Variants in ADGRG6 observed in about 807,000 individuals in gnomAD.
ADGRG6 encodes the protein adhesion G protein-coupled receptor G6.
A neutral mutation model predicts 142.4 loss-of-function variants in ADGRG6; 84 were observed. The ratio of observed to expected loss-of-function variants is 0.59; its 90% CI spans 0.49 to 0.71. ADGRG6 has a LOEUF of 0.71. Ranked by LOEUF, ADGRG6 falls within the 30% of genes least tolerant of loss-of-function variation. The pLI, the probability that ADGRG6 is intolerant of heterozygous loss-of-function variation, is 0.00. For synonymous variants in ADGRG6, 521 were observed against 520.5 expected, an observed-to-expected ratio of 1.00 and a Z score of -0.01; for missense variants, 1,367 against 1,466.6, an observed-to-expected ratio of 0.93 and a Z score of 1.11.
At chr6:142,393,379 T>G (rs1287276271) in intron 8 of ADGRG6, among the ~76,000 whole-genome samples, 1 of 152,070 alleles carries the variant, frequency 6.6e-6, no homozygotes, top group Admixed American at 6.6e-5. Context: ...CAGATCTAAT[T>G]TCGTACATCG....
chr6:142,432,413 G>A (rs1404136530), intron 22 of ADGRG6, among the ~76,000 whole-genome samples: 1 of 151,948 alleles, frequency 6.6e-6, no homozygotes, highest in Non-Finnish European at 1.5e-5. Flanking sequence ...CAAGATTATA[G>A]GATTCACCAT....
chr6:142,334,749 A>C (rs1779230299), intron 2 of ADGRG6, among the ~76,000 whole-genome samples: 2 of 152,236 alleles, frequency 1.3e-5, no homozygotes, highest in South Asian at 4.2e-4. Flanking sequence ...TTTTGGTTAC[A>C]CCTTTTTTCT....
intron 5 of ADGRG6, among the ~76,000 whole-genome samples, chr6:142,382,520 T>A (rs1164497325): frequency 6.6e-6 from 1 of 152,230 alleles, no homozygotes; most frequent in African/African-American, 2.4e-5. Flanking sequence ...AATGTAACTG[T>A]GTTAATTATT....
chr6:142,365,021 T>G (rs572165270), intron 2 of ADGRG6, among the ~76,000 whole-genome samples: 1 of 152,352 alleles, frequency 6.6e-6, no homozygotes, highest in Non-Finnish European at 1.5e-5. Flanking sequence ...TGATGCTGCC[T>G]GTCTGCATGT....
intron 2 of ADGRG6, among the ~76,000 whole-genome samples, chr6:142,312,377 C>A (rs1007555504): frequency 1.3e-5 from 2 of 151,916 alleles, no homozygotes; most frequent in African/African-American, 4.8e-5. Context: ...AGTTTTGTGA[C>A]CTTCTGGATT....
intron 24 of ADGRG6, chr6:142,440,881 C>T (rs1777725476): frequency 8.4e-7 from 1 of 1,184,676 alleles, no homozygotes; most frequent in Non-Finnish European, 1.2e-6. Flanking sequence ...TGGAATTGAT[C>T]TAGATATTCA....
chr6:142,418,296 A>T (rs914787165), intron 21 of ADGRG6, among the ~76,000 whole-genome samples: 2 of 115,822 alleles, frequency 1.7e-5, no homozygotes, highest in Non-Finnish European at 3.4e-5. Context: ...GACTCCATCT[A>T]AAAAAAAAAA....
chr6:142,383,640 ATTTCAAAGTGGTTTCC>A, intron 5 of ADGRG6, 104 bp from the exon 6 acceptor site: 1 of 620,706 alleles, frequency 1.6e-6, no homozygotes, highest in Non-Finnish European at 2.9e-6. Flanking sequence ...AGTCTTTTGT[ATTTCAAAGTGGTTTCC>A]ATTCTTCCCC....
At position 142,335,748 on chromosome 6, in the gene ADGRG6, C is replaced by A. The variant is rs117603178; in HGVS notation, c.103+26104C>A. ...GATCTCTGAGCTGAACTATAGACAG[C>A]AGCAAAATTTAGGGAAAAAGGAGAA... On this transcript the variant is annotated intron_variant, in intron 2 of 24. Coordinates refer to ENST00000367609, the MANE Select transcript of ADGRG6 (RefSeq NM_198569.3). Among the ~76,000 whole-genome samples, 1,316 of 151,942 alleles carry A rather than the reference C, an allele frequency of 8.7e-3. 22 individuals are homozygous for A. Among genetic ancestry groups the A allele is most frequent in the Non-Finnish European group, 0.013 (904 of 67,968 alleles).
At chr6:142,364,850 G>A (rs1378323414) in intron 2 of ADGRG6, among the ~76,000 whole-genome samples, 1 of 152,130 alleles carries the variant, frequency 6.6e-6, no homozygotes. Flanking sequence ...GGGTGACAGA[G>A]AGATACCCTG....
chr6:142,392,649 G>T (rs1227849647), intron 7 of ADGRG6, among the ~76,000 whole-genome samples: 1 of 151,882 alleles, frequency 6.6e-6, no homozygotes, highest in Non-Finnish European at 1.5e-5. Context: ...GTGATCTTGG[G>T]CAAACCATTT....
At chr6:142,367,277 C>T (rs1390003938) in intron 2 of ADGRG6, among the ~76,000 whole-genome samples, 1 of 152,104 alleles carries the variant, frequency 6.6e-6, no homozygotes, top group Non-Finnish European at 1.5e-5. Flanking sequence ...ACGTGTGTGG[C>T]CCCTGCTCAT....
intron 2 of ADGRG6, among the ~76,000 whole-genome samples, chr6:142,340,920 C>A (rs1304331770): frequency 2.6e-5 from 4 of 152,022 alleles, no homozygotes; most frequent in African/African-American, 9.7e-5. Flanking sequence ...CTTCAAATTG[C>A]AGGATTTCTT....
At position 142,367,637 on chromosome 6, in the gene ADGRG6, C is replaced by A; in HGVS notation, c.172C>A (p.Pro58Thr). ...PSGTFTSPCY[P>T]NDYPNSQACM... ...TGGGACCTTTACTTCTCCATGCTACCCTAACGACTACCCAAACAGCCAGGC... is the reference window on the plus strand; with the variant it reads ...TGGGACCTTTACTTCTCCATGCTACACTAACGACTACCCAAACAGCCAGGC... Residue 58 changes from proline to threonine, a missense_variant, in exon 3 of 25, where the codon CCT (proline) becomes ACT (threonine). Physicochemically the swap from Pro to Thr is conservative, Grantham distance 38. Coordinates refer to ENST00000367609, the MANE Select transcript of ADGRG6 (RefSeq NM_198569.3). 1 of 1,613,774 alleles carries A rather than the reference C, an allele frequency of 6.2e-7. No homozygotes were observed. Among genetic ancestry groups the A allele is most frequent in the Non-Finnish European group, 8.5e-7 (1 of 1,179,838 alleles).
intron 22 of ADGRG6, among the ~76,000 whole-genome samples, chr6:142,426,642 G>A (rs1308662257): frequency 6.6e-6 from 1 of 152,218 alleles, no homozygotes; most frequent in Non-Finnish European, 1.5e-5. Context: ...CACCCCAGTA[G>A]GGACTCTGTG....
intron 2 of ADGRG6, among the ~76,000 whole-genome samples, chr6:142,325,842 A>G (rs1384764313): frequency 6.6e-6 from 1 of 152,076 alleles, no homozygotes; most frequent in African/African-American, 2.4e-5. Flanking sequence ...CTCTGCTGTA[A>G]TCATCCAGGA....
intron 2 of ADGRG6, among the ~76,000 whole-genome samples, chr6:142,346,687 A>G (rs1779916528): frequency 6.6e-6 from 1 of 152,168 alleles, no homozygotes; most frequent in Admixed American, 6.5e-5. Context: ...ATGGAATACT[A>G]TGCAGTCATA....
intron 21 of ADGRG6, among the ~76,000 whole-genome samples, chr6:142,419,349 A>G (rs901147575): frequency 6.6e-6 from 1 of 152,184 alleles, no homozygotes; most frequent in Non-Finnish European, 1.5e-5. Flanking sequence ...GGACCTTGCC[A>G]GTTGAGTCTA....
At position 142,370,670 on chromosome 6, in the gene ADGRG6, A is replaced by G. The variant is rs1232999930; in HGVS notation, c.946A>G (p.Thr316Ala). 2.5e-6 allele frequency: 4 copies of G among 1,613,796 alleles called. No individual in the cohort carries two copies. The highest frequency in any genetic ancestry group is 3.4e-6 in the Non-Finnish European group (4 of 1,179,706). ...TTATAACTTTCGACTTTGGAATTTT[A>G]CCATGAATGCCAAAATCCTCTCCAA... ...DIYNFRLWNF[T>A]MNAKILSNLS... Residue 316 changes from threonine (T) to alanine (A), a missense_variant, in exon 4 of 25, where the codon ACC (threonine) becomes GCC (alanine). By Grantham distance (58) the Thr-to-Ala change is moderately conservative. Transcript: ENST00000367609.
Sources: allele counts gnomAD v4.1 joint callset (sites outside exome capture counted in the v4.1 genomes callset), GRCh38; gene constraint gnomAD v4.1.1; transcripts MANE v1.5; gene names NCBI Gene and HGNC (gene_info 2026-07-23, HGNC 2026-07-21).